The following BNC2 variants were observed in gnomAD, a reference collection of about 807,000 sequenced individuals.
BNC2 encodes the protein basonuclin zinc finger protein 2, also known as zinc finger protein basonuclin-2.
In BNC2, 20 loss-of-function variants were observed where a neutral mutation model predicts 76.3. That is an observed-to-expected ratio of 0.26 (90% CI 0.18 to 0.38). The LOEUF (loss-of-function observed/expected upper bound fraction) is 0.38, where lower values mean the gene tolerates loss of function less well. Among genes scored for constraint, BNC2 ranks in the 10% least tolerant of loss-of-function variants. The pLI, the probability that BNC2 is intolerant of heterozygous loss-of-function variation, is 1.00. For synonymous variants in BNC2, 582 were observed against 514.8 expected, an observed-to-expected ratio of 1.13 and a Z score of -1.77; for missense variants, 1,382 against 1,399.8, an observed-to-expected ratio of 0.99 and a Z score of 0.20.
chr9:16,658,905 G>A (rs1023221532), intron 3 of BNC2, among the ~76,000 whole-genome samples: 6 of 152,134 alleles, frequency 3.9e-5, no homozygotes, highest in African/African-American at 4.8e-5. Flanking sequence ...AGATTTTAAG[G>A]TGACAGTTTA....
intron 1 of BNC2, among the ~76,000 whole-genome samples, chr9:16,855,549 G>C (rs535587059): frequency 2.7e-3 from 404 of 152,056 alleles, no homozygotes; most frequent in Non-Finnish European, 2.6e-3. Flanking sequence ...TCTTTTTTTT[G>C]TTTTTTGAGA....
At chr9:16,837,068 TAA>T (rs1586923073) in intron 1 of BNC2, among the ~76,000 whole-genome samples, 2 of 152,378 alleles carry the variant, frequency 1.3e-5, no homozygotes, top group East Asian at 3.9e-4. Context: ...AGGTAAGTTC[TAA>T]GAGTCAAATT....
At chr9:16,830,219 C>T (rs887137845) in intron 1 of BNC2, among the ~76,000 whole-genome samples, 1 of 152,110 alleles carries the variant, frequency 6.6e-6, no homozygotes, top group African/African-American at 2.4e-5. Flanking sequence ...CATTGGAGGG[C>T]AATTATCTCT....
chr9:16,442,441 G>A (rs1821146648), intron 5 of BNC2, among the ~76,000 whole-genome samples: 1 of 152,184 alleles, frequency 6.6e-6, no homozygotes, highest in African/African-American at 2.4e-5. Flanking sequence ...TTTGTTGTAG[G>A]ATCAAATGCA....
intron 1 of BNC2, among the ~76,000 whole-genome samples, chr9:16,760,825 T>G (rs536385106): frequency 1.3e-5 from 2 of 152,138 alleles, no homozygotes; most frequent in South Asian, 4.2e-4. Flanking sequence ...GACAGGAAAT[T>G]TGGGGAGGAG....
intron 5 of BNC2, among the ~76,000 whole-genome samples, chr9:16,443,827 C>T (rs947447696): frequency 2.0e-5 from 3 of 152,066 alleles, no homozygotes; most frequent in African/African-American, 2.4e-5. Context: ...TTAGTAGTTG[C>T]CAGGGGAAAG....
At chr9:16,746,758 C>T (rs1825020437) in intron 1 of BNC2, among the ~76,000 whole-genome samples, 1 of 151,292 alleles carries the variant, frequency 6.6e-6, no homozygotes. Context: ...GTCAGGAGAT[C>T]GAGACCATCC....
chr9:16,682,990 C>G (rs956256135), intron 3 of BNC2, among the ~76,000 whole-genome samples: 1 of 152,176 alleles, frequency 6.6e-6, no homozygotes, highest in Non-Finnish European at 1.5e-5. Context: ...AGTTAACCTC[C>G]CAAACTGGAG....
At chr9:16,778,640 A>AC (rs1196958600) in intron 1 of BNC2, among the ~76,000 whole-genome samples, 1 of 152,256 alleles carries the variant, frequency 6.6e-6, no homozygotes, top group African/African-American at 2.4e-5. Flanking sequence ...CTTCTAGTGC[A>AC]CATTGGACCG....
intron 5 of BNC2, 53 bp from the exon 6 acceptor site, chr9:16,437,577 G>A (rs1821045323): frequency 6.3e-7 from 1 of 1,586,160 alleles, no homozygotes; most frequent in Non-Finnish European, 8.5e-7. Flanking sequence ...CTTATTGATT[G>A]TGCATAATTA....
chr9:16,497,032 C>T (rs868133044), intron 5 of BNC2, among the ~76,000 whole-genome samples: 83 of 152,234 alleles, frequency 5.5e-4, no homozygotes, highest in Admixed American at 4.6e-4. Flanking sequence ...ATTCCACACA[C>T]ATTAGGTTGT....
intron 5 of BNC2, among the ~76,000 whole-genome samples, chr9:16,440,670 A>G (rs992685384): frequency 1.3e-5 from 2 of 152,268 alleles, no homozygotes; most frequent in South Asian, 2.1e-4. Flanking sequence ...TTCTCCCTAC[A>G]GTACAGAGCA....
chr9:16,718,209 G>C (rs1033930017), intron 3 of BNC2, among the ~76,000 whole-genome samples: 1 of 152,178 alleles, frequency 6.6e-6, no homozygotes, highest in Non-Finnish European at 1.5e-5. Context: ...GGTTCATTAA[G>C]TGCACAAGGC....
At chr9:16,827,760 G>A (rs953821090) in intron 1 of BNC2, among the ~76,000 whole-genome samples, 4 of 152,108 alleles carry the variant, frequency 2.6e-5, no homozygotes, top group Admixed American at 1.3e-4. Context: ...AACATGTATA[G>A]CTGGCTACAT....
chr9:16,424,606 C>A (rs1314570354), intron 6 of BNC2, among the ~76,000 whole-genome samples: 1 of 152,110 alleles, frequency 6.6e-6, no homozygotes, highest in African/African-American at 2.4e-5. Flanking sequence ...ATACCATATG[C>A]ATGCCTATTT....
At chr9:16,773,360 T>G (rs1042080254) in intron 1 of BNC2, among the ~76,000 whole-genome samples, 1 of 152,046 alleles carries the variant, frequency 6.6e-6, no homozygotes, top group Non-Finnish European at 1.5e-5. Context: ...CAAAAAGCCT[T>G]TTTTCCCCTC....
At chr9:16,798,713 G>C (rs968072214) in intron 1 of BNC2, among the ~76,000 whole-genome samples, 1 of 152,100 alleles carries the variant, frequency 6.6e-6, no homozygotes, top group African/African-American at 2.4e-5. Flanking sequence ...AAATTATAGA[G>C]GAAATACTGA....
In BNC2 at chr9:16,483,469, G is replaced by C. The variant is rs533590474; in HGVS notation, c.670-45945C>G. Among the ~76,000 whole-genome samples the C allele has an allele frequency of 2.0e-5, 3 of 152,260 alleles. No individual in the cohort carries two copies. In the East Asian group the frequency reaches 5.8e-4, roughly 29 times the overall value. On this transcript the variant is annotated intron_variant, in intron 5 of 6. Coordinates refer to ENST00000380672, the MANE Select transcript of BNC2 (RefSeq NM_017637.6). ...CAGATGCTAAACAAGACCATGTCCA[G>C]GTTTCCCAAAATTTTGGTAAAACTT...
intron 4 of BNC2, among the ~76,000 whole-genome samples, chr9:16,572,458 TA>T (rs1461467975): frequency 2.0e-5 from 3 of 152,130 alleles, no homozygotes; most frequent in Non-Finnish European, 4.4e-5. Flanking sequence ...GACTTTTCCA[TA>T]AGCTTAGAGT....
Sources: allele counts gnomAD v4.1 joint callset (sites outside exome capture counted in the v4.1 genomes callset), GRCh38; gene constraint gnomAD v4.1.1; transcripts MANE v1.5; gene names NCBI Gene and HGNC (gene_info 2026-07-23, HGNC 2026-07-21).